Variants in GREM2 observed in about 807,000 individuals in gnomAD.
The protein encoded by GREM2 is gremlin 2, DAN family BMP antagonist.
GREM2 carries 11 observed loss-of-function variants against 14.2 expected under a neutral mutation model. That is an observed-to-expected ratio of 0.78 (90% CI 0.49 to 1.28). GREM2 has a LOEUF of 1.28. GREM2 is among the 50% of genes most tolerant of loss of function. GREM2 has a pLI of 0.00. For missense variants in GREM2, 210 were observed against 218.5 expected, an observed-to-expected ratio of 0.96 and a Z score of 0.24; for synonymous variants, 98 against 97.6, an observed-to-expected ratio of 1.00 and a Z score of -0.02.
At chr1:240,602,566 C>T (rs989658578) in intron 1 of GREM2, among the ~76,000 whole-genome samples, 1 of 152,086 alleles carries the variant, frequency 6.6e-6, no homozygotes, top group Non-Finnish European at 1.5e-5. Context: ...AGCCTGTAAT[C>T]CCAGCACTTT....
intron 1 of GREM2, among the ~76,000 whole-genome samples, chr1:240,566,420 C>T (rs1433192260): frequency 2.0e-5 from 3 of 151,984 alleles, no homozygotes; most frequent in African/African-American, 7.2e-5. Context: ...CAGCTTACTG[C>T]TTTGAGAGAG....
chr1:240,545,765 T>C (rs1678704473), intron 1 of GREM2, among the ~76,000 whole-genome samples: 1 of 152,064 alleles, frequency 6.6e-6, no homozygotes. Context: ...GGCGTCAGAG[T>C]ATAACATTGA....
At position 240,609,200 on chromosome 1, in the gene GREM2, G is replaced by A. The variant is rs180958658; in HGVS notation, c.-2+2684C>T. Among the ~76,000 whole-genome samples, 350 of 151,906 alleles carry A rather than the reference G, an allele frequency of 2.3e-3. 2 individuals carry two copies. Among genetic ancestry groups the A allele is most frequent in the Non-Finnish European group, 3.9e-3 (265 of 67,980 alleles). ...ACTTTATACCCTTGTGCTTCCACCC[G>A]CTCACGTTCCATCCCCTTAACATCC... On this transcript the variant is annotated intron_variant, in intron 1 of 1. Coordinates refer to ENST00000318160, the MANE Select transcript of GREM2 (RefSeq NM_022469.4).
intron 1 of GREM2, among the ~76,000 whole-genome samples, chr1:240,508,432 T>C (rs1677728494): frequency 6.6e-6 from 1 of 152,186 alleles, no homozygotes; most frequent in Non-Finnish European, 1.5e-5. Context: ...GCAGCAAATA[T>C]TTACTGAGTG....
intron 1 of GREM2, among the ~76,000 whole-genome samples, chr1:240,516,764 T>C (rs538110399): frequency 6.6e-6 from 1 of 152,298 alleles, no homozygotes; most frequent in South Asian, 2.1e-4. Context: ...TAGAAAATTG[T>C]AAGTGCCAGC....
chr1:240,500,385 G>A (rs549598466), intron 1 of GREM2, among the ~76,000 whole-genome samples: 144 of 151,470 alleles, frequency 9.5e-4, no homozygotes, highest in African/African-American at 2.6e-3. Context: ...TGCAAGCTCC[G>A]CCTCCCAGGT....
At chr1:240,544,959 T>C (rs541365477) in intron 1 of GREM2, among the ~76,000 whole-genome samples, 47 of 152,352 alleles carry the variant, frequency 3.1e-4, no homozygotes, top group African/African-American at 9.1e-4. Flanking sequence ...TCAAATGTTA[T>C]TGTGATATTG....
chr1:240,591,298 C>A (rs1679710482), intron 1 of GREM2, among the ~76,000 whole-genome samples: 1 of 152,184 alleles, frequency 6.6e-6, no homozygotes, highest in Non-Finnish European at 1.5e-5. Context: ...AGTCCCAGAG[C>A]CTGACAGAGC....
chr1:240,535,742 T>C (rs1373214226), intron 1 of GREM2, among the ~76,000 whole-genome samples: 2 of 143,814 alleles, frequency 1.4e-5, no homozygotes, highest in African/African-American at 5.2e-5. Flanking sequence ...GAGGTTGCAG[T>C]GAGCCGAGAT....
At chr1:240,589,395 A>G (rs1433575125) in intron 1 of GREM2, among the ~76,000 whole-genome samples, 1 of 151,528 alleles carries the variant, frequency 6.6e-6, no homozygotes, top group Non-Finnish European at 1.5e-5. Flanking sequence ...AGATCGTGCC[A>G]TTGCACTCCA....
Position 240,543,607 on chromosome 1 carries a change from A to G in GREM2, c.-1-50131T>C, listed in dbSNP as rs1678650118. Among the ~76,000 whole-genome samples the G allele has an allele frequency of 6.6e-6, 1 of 152,196 alleles. No homozygotes were observed. Among genetic ancestry groups the G allele is most frequent in the South Asian group, 2.1e-4 (1 of 4,832 alleles). On this transcript the variant is annotated intron_variant, in intron 1 of 1. Coordinates refer to ENST00000318160, the MANE Select transcript of GREM2 (RefSeq NM_022469.4). The surrounding 1 kb of genome is among the most constrained non-coding windows in gnomAD (Gnocchi z 6.4). ...GGAGGGGACACAGCCAAACCATACC[A>G]GGTAAGGAGTCTAACAATTCCCACA...
At chr1:240,493,530 C>A in intron 1 of GREM2, 54 bp from the exon 2 acceptor site, 2 of 1,462,934 alleles carry the variant, frequency 1.4e-6, no homozygotes, top group South Asian at 1.4e-5. Context: ...AGTACGGGAT[C>A]AATCTTACTT....
intron 1 of GREM2, among the ~76,000 whole-genome samples, chr1:240,596,811 G>A (rs564844606): frequency 1.3e-5 from 2 of 152,154 alleles, no homozygotes; most frequent in South Asian, 2.1e-4. Flanking sequence ...TTCAGCTGCC[G>A]TTAGTCACGT....
At chr1:240,594,256 G>T (rs1216927453) in intron 1 of GREM2, among the ~76,000 whole-genome samples, 2 of 152,216 alleles carry the variant, frequency 1.3e-5, no homozygotes, top group African/African-American at 4.8e-5. Flanking sequence ...ACTGCTCCCG[G>T]CCTCATCCTG....
At chr1:240,545,863 G>A (rs1391071994) in intron 1 of GREM2, among the ~76,000 whole-genome samples, 1 of 152,116 alleles carries the variant, frequency 6.6e-6, no homozygotes, top group Non-Finnish European at 1.5e-5. Context: ...GGTGCATCCG[G>A]AGCACCCCTG....
rs530763127 is a variant in GREM2 at position 240,511,521 on chromosome 1, C to T, written c.-1-18045G>A. On this transcript the variant is annotated intron_variant, in intron 1 of 1. Coordinates refer to ENST00000318160, the MANE Select transcript of GREM2 (RefSeq NM_022469.4). Reference sequence around the variant, plus strand: ...ATCCCAGCACTTTGGGAAGCCGAGGCGGGCGGATAACCTGAGGTTAGGAGT... The same window carrying T: ...ATCCCAGCACTTTGGGAAGCCGAGGTGGGCGGATAACCTGAGGTTAGGAGT... Among the ~76,000 whole-genome samples, 112 of 152,224 alleles carry T rather than the reference C, an allele frequency of 7.4e-4. 1 individual carries two copies. Among genetic ancestry groups the T allele is most frequent in the Non-Finnish European group, 1.3e-3 (91 of 68,012 alleles).
At chr1:240,503,001 A>G (rs777955672) in intron 1 of GREM2, among the ~76,000 whole-genome samples, 1 of 152,172 alleles carries the variant, frequency 6.6e-6, no homozygotes, top group Non-Finnish European at 1.5e-5. Context: ...AGGAGAAACT[A>G]CCATTCAGGT....
intron 1 of GREM2, among the ~76,000 whole-genome samples, chr1:240,494,612 A>G (rs1677363636): frequency 1.3e-5 from 2 of 152,250 alleles, no homozygotes; most frequent in African/African-American, 4.8e-5. Flanking sequence ...GTCTCCTAGT[A>G]GAAACTAATT....
intron 1 of GREM2, among the ~76,000 whole-genome samples, chr1:240,573,469 AT>A (rs921031012): frequency 3.3e-5 from 5 of 151,942 alleles, no homozygotes; most frequent in African/African-American, 1.2e-4. Context: ...TTCACCATGG[AT>A]TTTTTTGGCA....
Sources: gnomAD v4.1 joint callset for allele counts (sites outside exome capture counted in the v4.1 genomes callset) on GRCh38, gnomAD v4.1.1 for gene constraint, Gnocchi (gnomAD v3.1) non-coding constraint, MANE v1.5 for transcripts, NCBI Gene and HGNC (gene_info 2026-07-23, HGNC 2026-07-21) for gene names.